The following CNTN6 variants were observed in gnomAD, a reference collection of about 807,000 sequenced individuals.
CNTN6 encodes contactin-6.
CNTN6 carries 137 observed loss-of-function variants against 122.8 expected under a neutral mutation model. The observed-to-expected ratio is 1.12, with a 90% CI of 0.97 to 1.29. The LOEUF is 1.29. CNTN6 is among the 50% of genes most tolerant of loss of function. The pLI is 0.00. For missense variants in CNTN6, 1,634 were observed against 1,223.4 expected, an observed-to-expected ratio of 1.34 and a Z score of -5.01; for synonymous variants, 570 against 426.0, an observed-to-expected ratio of 1.34 and a Z score of -4.16.
chr3:1,330,641 C>G (rs1213389255), intron 11 of CNTN6, among the ~76,000 whole-genome samples: 1 of 151,824 alleles, frequency 6.6e-6, no homozygotes, highest in Non-Finnish European at 1.5e-5. Context: ...GCAATTAAAT[C>G]CTAATGTGAA....
chr3:1,232,602 CA>C (rs1238008329), intron 4 of CNTN6, among the ~76,000 whole-genome samples: 1 of 152,156 alleles, frequency 6.6e-6, no homozygotes, highest in East Asian at 1.9e-4. Flanking sequence ...TTCAGATAAG[CA>C]GATTGAGGCA....
At chr3:1,325,664 T>G in intron 8 of CNTN6, 151 bp from the exon 9 acceptor site, 1 of 621,908 alleles carries the variant, frequency 1.6e-6, no homozygotes, top group Non-Finnish European at 2.6e-6. Flanking sequence ...GCATTGAAGC[T>G]CCTGCATGTC....
At chr3:1,271,109 C>G (rs947238231) in intron 4 of CNTN6, among the ~76,000 whole-genome samples, 3 of 152,176 alleles carry the variant, frequency 2.0e-5, no homozygotes, top group African/African-American at 7.2e-5. Flanking sequence ...AACTCCTGGT[C>G]TCATGTGATC....
chr3:1,271,775 G>A (rs1221950909), intron 4 of CNTN6, among the ~76,000 whole-genome samples: 1 of 152,132 alleles, frequency 6.6e-6, no homozygotes, highest in East Asian at 1.9e-4. Flanking sequence ...AAAAGCATTA[G>A]GCTTTTGATG....
chr3:1,269,258 A>G (rs924599462), intron 4 of CNTN6, among the ~76,000 whole-genome samples: 13 of 152,222 alleles, frequency 8.5e-5, no homozygotes, highest in African/African-American at 3.1e-4. Context: ...CCAAGCTAGC[A>G]TTTGAATATA....
chr3:1,402,215 C>G, intron 21 of CNTN6, 103 bp from the exon 22 acceptor site: 1 of 805,254 alleles, frequency 1.2e-6, no homozygotes, highest in Non-Finnish European at 1.9e-6. Flanking sequence ...AGGAGTACAA[C>G]ATTTATGATG....
chr3:1,235,068 T>C (rs976345566), intron 4 of CNTN6, among the ~76,000 whole-genome samples: 3 of 152,328 alleles, frequency 2.0e-5, no homozygotes, highest in African/African-American at 7.2e-5. Flanking sequence ...TGGAAATCTA[T>C]TTATGTGTCT....
intron 4 of CNTN6, among the ~76,000 whole-genome samples, chr3:1,263,483 G>A (rs1221709981): frequency 6.6e-6 from 1 of 152,090 alleles, no homozygotes; most frequent in Non-Finnish European, 1.5e-5. Context: ...GTGGATATTG[G>A]AAGCGAGTTC....
intron 4 of CNTN6, among the ~76,000 whole-genome samples, chr3:1,254,871 C>T (rs972409306): frequency 1.3e-5 from 2 of 152,030 alleles, no homozygotes; most frequent in Non-Finnish European, 2.9e-5. Flanking sequence ...TGATGTCCAG[C>T]AGTAAACATT....
In CNTN6 at chr3:1,179,510, G is replaced by A. The variant is rs868084705; in HGVS notation, c.55+31447G>A. Among the ~76,000 whole-genome samples, 38 of 152,224 alleles carry A rather than the reference G, an allele frequency of 2.5e-4. No homozygotes were observed. In the South Asian group the frequency reaches 2.9e-3, roughly 12 times the overall value. ...AGGTTTCAGAAAGGTGGCTGCCTCCGTGTTCCAGTGTTTCCCACAGCTGTA... is the reference window on the plus strand; with the variant it reads ...AGGTTTCAGAAAGGTGGCTGCCTCCATGTTCCAGTGTTTCCCACAGCTGTA... On this transcript the variant is annotated intron_variant, in intron 2 of 22. Transcript: ENST00000446702.
At chr3:1,201,244 A>T (rs2093866639) in intron 2 of CNTN6, among the ~76,000 whole-genome samples, 1 of 152,050 alleles carries the variant, frequency 6.6e-6, no homozygotes. Flanking sequence ...AAGTGCTGGG[A>T]TTACAGGAGT....
chr3:1,280,333 T>C (rs1693147128), intron 5 of CNTN6, among the ~76,000 whole-genome samples: 1 of 152,084 alleles, frequency 6.6e-6, no homozygotes. Context: ...GCCCTCATTG[T>C]AACAGCGCCC....
In CNTN6 at chr3:1,312,319, A is replaced by AATATATATAT. The variant is rs58013186; in HGVS notation, c.762-9328_762-9319dup. Among the ~76,000 whole-genome samples, 1,401 of 151,374 alleles carry AATATATATAT rather than the reference A, an allele frequency of 9.3e-3. 28 individuals carry two copies. Among genetic ancestry groups the AATATATATAT allele is most frequent in the African/African-American group, 0.032 (1,312 of 41,258 alleles). On this transcript the variant is annotated intron_variant, in intron 7 of 22. Coordinates refer to ENST00000446702, the MANE Select transcript of CNTN6 (RefSeq NM_001289080.2). ...AGGTTCTTAAAAATCATCCAAGAAGAATATATATATATGTATATGTATATT... is the reference window on the plus strand; with the variant it reads ...AGGTTCTTAAAAATCATCCAAGAAGAATATATATATATATATATATATGTATATGTATATT...
intron 4 of CNTN6, among the ~76,000 whole-genome samples, chr3:1,270,857 A>C (rs924947911): frequency 3.3e-5 from 5 of 151,850 alleles, no homozygotes; most frequent in Non-Finnish European, 7.4e-5. Context: ...AAGCGAATGC[A>C]CTCTCGAGCC....
chr3:1,381,313 AT>A (rs2126173703), intron 17 of CNTN6, among the ~76,000 whole-genome samples: 1 of 150,400 alleles, frequency 6.6e-6, no homozygotes, highest in East Asian at 1.9e-4. Flanking sequence ...AAGTGTTAAT[AT>A]GAGGAAATAC....
chr3:1,274,072 G>A (rs1310531239), intron 4 of CNTN6, among the ~76,000 whole-genome samples: 1 of 151,980 alleles, frequency 6.6e-6, no homozygotes, highest in African/African-American at 2.4e-5. Context: ...ATTTAATGGG[G>A]CCTTTCAAAA....
intron 11 of CNTN6, 71 bp downstream of exon 11, chr3:1,330,006 T>G (rs552727917): frequency 1.6e-6 from 2 of 1,213,186 alleles, no homozygotes; most frequent in Non-Finnish European, 2.2e-6. Flanking sequence ...TAGGTTTTAG[T>G]AGGCCTTTCA....
intron 2 of CNTN6, among the ~76,000 whole-genome samples, chr3:1,154,124 CCTT>C (rs1376927211): frequency 5.3e-5 from 8 of 152,118 alleles, no homozygotes; most frequent in Non-Finnish European, 1.0e-4. Context: ...GATTATCAAA[CCTT>C]CTTCCAAAGT....
At chr3:1,329,222 T>A (rs1198116411) in intron 10 of CNTN6, among the ~76,000 whole-genome samples, 2 of 150,198 alleles carry the variant, frequency 1.3e-5, no homozygotes, top group Non-Finnish European at 3.0e-5. Flanking sequence ...TGTATATATA[T>A]GGATACACAT....
Sources: allele counts gnomAD v4.1 joint callset (sites outside exome capture counted in the v4.1 genomes callset), GRCh38; gene constraint gnomAD v4.1.1; transcripts MANE v1.5; gene names NCBI Gene and HGNC (gene_info 2026-07-23, HGNC 2026-07-21).